Variants in ME3 observed in about 807,000 individuals in gnomAD.
ME3 encodes malic enzyme 3.
A neutral mutation model predicts 68.9 loss-of-function variants in ME3; 48 were observed. The observed-to-expected ratio is 0.70, with a 90% CI of 0.55 to 0.89. The LOEUF (loss-of-function observed/expected upper bound fraction) is 0.89. Among genes scored for constraint, ME3 ranks in the 40% least tolerant of loss-of-function variants. The probability of loss-of-function intolerance (pLI) is 0.00; values close to 1 mark genes in which losing one functional copy is unlikely to be tolerated. For missense variants in ME3, 675 were observed against 797.4 expected (o/e 0.85, Z 1.85); for synonymous variants, 320 against 318.8 (o/e 1.00, Z -0.04).
chr11:86,612,105 C>T (rs1942626027), intron 2 of ME3, among the ~76,000 whole-genome samples: 1 of 152,144 alleles, frequency 6.6e-6, no homozygotes, highest in South Asian at 2.1e-4. Flanking sequence ...TGTTTTTCCT[C>T]TCTGTATCCA....
intron 2 of ME3, among the ~76,000 whole-genome samples, chr11:86,641,900 A>C (rs1240185282): frequency 1.3e-5 from 2 of 152,192 alleles, no homozygotes; most frequent in African/African-American, 4.8e-5. Flanking sequence ...AACTTTAAAC[A>C]GCTTTTTACT....
At chr11:86,568,315 T>C (rs1295767078) in intron 2 of ME3, among the ~76,000 whole-genome samples, 1 of 152,152 alleles carries the variant, frequency 6.6e-6, no homozygotes, top group Non-Finnish European at 1.5e-5. Context: ...CAGGGAACCT[T>C]TGGATCTCCT....
chr11:86,532,329 A>AATAAG (rs145513396), intron 4 of ME3, among the ~76,000 whole-genome samples: 36,334 of 152,012 alleles, frequency 0.24, 4,446 homozygotes, highest in African/African-American at 0.27. Flanking sequence ...ACAGAAAATA[A>AATAAG]ATAACATTCG....
chr11:86,572,004 T>TA (rs1246799499), intron 2 of ME3, among the ~76,000 whole-genome samples: 1 of 152,148 alleles, frequency 6.6e-6, no homozygotes, highest in African/African-American at 2.4e-5. Context: ...GTGAGTGATT[T>TA]AAAAAGTCAA....
At chr11:86,601,824 A>T (rs935473664) in intron 2 of ME3, among the ~76,000 whole-genome samples, 2 of 151,904 alleles carry the variant, frequency 1.3e-5, no homozygotes, top group Non-Finnish European at 2.9e-5. Flanking sequence ...AATGTAATCC[A>T]GCATATAAAC....
chr11:86,448,117 G>T (rs779094367), intron 11 of ME3, 33 bp downstream of exon 11: 81 of 1,471,694 alleles, frequency 5.5e-5, no homozygotes, highest in Non-Finnish European at 7.2e-5. Flanking sequence ...AGGGTTAGCT[G>T]GGCTGGGTAG....
intron 2 of ME3, among the ~76,000 whole-genome samples, chr11:86,636,311 T>C (rs1944332056): frequency 7.5e-6 from 1 of 133,302 alleles, no homozygotes; most frequent in African/African-American, 2.6e-5. Context: ...CTAACTAAGG[T>C]ATTTGCCCCT....
intron 4 of ME3, among the ~76,000 whole-genome samples, chr11:86,529,829 A>T (rs1020895848): frequency 6.6e-6 from 1 of 152,206 alleles, no homozygotes; most frequent in African/African-American, 2.4e-5. Context: ...AACTCTCAAT[A>T]AATTAGGTAT....
intron 6 of ME3, among the ~76,000 whole-genome samples, chr11:86,494,921 TAAC>T (rs1414929432): frequency 3.3e-5 from 5 of 152,188 alleles, no homozygotes; most frequent in Non-Finnish European, 7.3e-5. Context: ...ACCTAGGTAA[TAAC>T]TATCTTTATG....
intron 2 of ME3, among the ~76,000 whole-genome samples, chr11:86,648,578 T>G (rs1320040640): frequency 6.6e-6 from 1 of 151,978 alleles, no homozygotes; most frequent in African/African-American, 2.4e-5. Flanking sequence ...AAAACAGATG[T>G]ACTGCTAGAA....
intron 2 of ME3, among the ~76,000 whole-genome samples, chr11:86,567,483 A>G (rs1957552373): frequency 6.6e-6 from 1 of 152,248 alleles, no homozygotes; most frequent in African/African-American, 2.4e-5. Context: ...CTGCCTCGGT[A>G]AAGACTATGA....
At chr11:86,451,061 T>C (rs1035127509) in intron 8 of ME3, among the ~76,000 whole-genome samples, 11 of 152,212 alleles carry the variant, frequency 7.2e-5, no homozygotes, top group African/African-American at 2.7e-4. Context: ...TGTGAATAAA[T>C]GTTGGCACCA....
At chr11:86,581,684 T>C (rs1387059428) in intron 2 of ME3, among the ~76,000 whole-genome samples, 1 of 152,110 alleles carries the variant, frequency 6.6e-6, no homozygotes, top group East Asian at 1.9e-4. Context: ...CTCAGAGGCA[T>C]GTCAAACACC....
At chr11:86,487,466 G>A (rs757730806) in intron 6 of ME3, 26 bp from the exon 7 acceptor site, 1 of 1,577,594 alleles carries the variant, frequency 6.3e-7, no homozygotes, top group South Asian at 1.1e-5. Flanking sequence ...CCCATTGACT[G>A]AGCCTACTCC....
chr11:86,601,264 A>C (rs1468032265), intron 2 of ME3, among the ~76,000 whole-genome samples: 1 of 152,236 alleles, frequency 6.6e-6, no homozygotes, highest in African/African-American at 2.4e-5. Context: ...AAAATGATAA[A>C]GGGGATATCA....
At chr11:86,601,344 A>G (rs2135118367) in intron 2 of ME3, among the ~76,000 whole-genome samples, 1 of 152,356 alleles carries the variant, frequency 6.6e-6, no homozygotes, top group South Asian at 2.1e-4. Flanking sequence ...AATAAACTAG[A>G]AAAGGTAGAA....
chr11:86,443,505 T>C (rs1949120697), intron 13 of ME3, among the ~76,000 whole-genome samples: 1 of 152,256 alleles, frequency 6.6e-6, no homozygotes, highest in South Asian at 2.1e-4. Flanking sequence ...AGAGCTTGCC[T>C]CTGAGGGTTA....
intron 2 of ME3, among the ~76,000 whole-genome samples, chr11:86,604,364 G>T (rs1378277378): frequency 6.6e-6 from 1 of 151,938 alleles, no homozygotes; most frequent in South Asian, 2.1e-4. Flanking sequence ...TAAGGAGGGA[G>T]TCCATTCAGA....
intron 7 of ME3, among the ~76,000 whole-genome samples, chr11:86,486,025 C>G (rs151274800): frequency 6.6e-6 from 1 of 152,296 alleles, no homozygotes; most frequent in Non-Finnish European, 1.5e-5. Context: ...CCTCCCCATC[C>G]TCACTCTATG....
Sources: allele counts gnomAD v4.1 joint callset (sites outside exome capture counted in the v4.1 genomes callset), GRCh38; gene constraint gnomAD v4.1.1; transcripts MANE v1.5; gene names NCBI Gene and HGNC (gene_info 2026-07-23, HGNC 2026-07-21).